The following CCDC120 variants were observed in gnomAD, a reference collection of about 807,000 sequenced individuals.
CCDC120 encodes coiled-coil domain containing 120.
CCDC120 carries 16 observed loss-of-function variants against 37.6 expected under a neutral mutation model. The observed-to-expected ratio is 0.43, with a 90% CI of 0.29 to 0.65. The LOEUF (loss-of-function observed/expected upper bound fraction) is 0.65. CCDC120 is among the 30% of genes least tolerant of loss of function. CCDC120 has a pLI of 0.18. For missense variants in CCDC120, 650 were observed against 657.4 expected, an observed-to-expected ratio of 0.99 and a Z score of 0.12; for synonymous variants, 309 against 275.4, an observed-to-expected ratio of 1.12 and a Z score of -1.21.
chrX:49,067,841 G>A lies in CCDC120; in HGVS notation c.1727G>A (p.Arg576His), dbSNP rs782579710. The change falls in exon 10 of 11, where the codon CGT (arginine) becomes CAT (histidine). Residue 576 changes from arginine (R) to histidine (H), a missense_variant. Arg to His is a conservative substitution (Grantham distance 29, BLOSUM62 0). This residue lies in a region of CCDC120 where 576 missense variants were observed against 565.3 expected (regional missense o/e 1.02). Coordinates refer to ENST00000603986, the MANE Select transcript of CCDC120 (RefSeq NM_001163321.4). ...NPLLWMPPPT[R>H]IPSAGERSGH... ...CTGCTGTGGATGCCCCCACCCACCCGTATCCCCTCGGCTGGTGAACGCAGT... is the reference window on the plus strand; with the variant it reads ...CTGCTGTGGATGCCCCCACCCACCCATATCCCCTCGGCTGGTGAACGCAGT... 21 of 653,436 alleles carry A rather than the reference G, an allele frequency of 3.2e-5. No homozygotes were observed. The highest frequency in any genetic ancestry group is 6.0e-5 in the East Asian group (1 of 16,698). 53.9% of individuals were successfully genotyped at this position (653,436 alleles called of 1,213,427 possible).
At chrX:49,054,951 G>A (rs1557078170), upstream of CCDC120, among the ~76,000 whole-genome samples, 2 of 111,450 alleles carry the variant, frequency 1.8e-5, no homozygotes, top group Admixed American at 9.5e-5. Flanking sequence ...CTTCTGAGCC[G>A]AGGACAGGGG....
In CCDC120 at chrX:49,068,062, A is replaced by G. The variant is rs1557082155; in HGVS notation, c.1948A>G (p.Ser650Gly). The part of the protein sequence containing the change: ...PSQAPLPHSR[S>G]FTAPPVSGRY... ...CCAGGCGCCACTCCCACACTCGAGG[A>G]GTTTCACGGCGCCCCCTGTCTCTGG... Residue 650 changes from serine to glycine, a missense_variant, in exon 10 of 11, where the codon AGT (serine) becomes GGT (glycine). This residue lies in a region of CCDC120 where 576 missense variants were observed against 565.3 expected (regional missense o/e 1.02). Transcript: ENST00000603986. 8.6e-7 allele frequency: 1 copy of G among 1,166,587 alleles called. No individual in the cohort carries two copies. The highest frequency in any genetic ancestry group is 1.1e-6 in the Non-Finnish European group (1 of 872,734).
chrX:49,064,112 A>G (rs2064921341), intron 5 of CCDC120, 111 bp downstream of exon 5: 3 of 995,139 alleles, frequency 3.0e-6, no homozygotes, highest in Non-Finnish European at 4.0e-6. Context: ...GGGAGAGGCT[A>G]AGATGAGAAG....
rs1327246900 is a variant in CCDC120, at chrX:49,067,459, C to G, written c.1345C>G (p.Pro449Ala). The G allele has an allele frequency of 4.2e-6, 5 of 1,181,957 alleles. No homozygotes were observed. Among genetic ancestry groups the G allele is most frequent in the Non-Finnish European group, 2.3e-6 (2 of 880,087 alleles). The change falls in exon 10 of 11, where the codon CCC becomes GCC. Residue 449 changes from proline to alanine, a missense_variant. Coordinates refer to ENST00000603986, the MANE Select transcript of CCDC120 (RefSeq NM_001163321.4). ...TGCCTTCTCCTCCCGCACAGCAGGC[C>G]CCCCAGACCCTCCCCGGGCCGCCCG... ...TPAFSSRTAG[P>A]PDPPRAARPS...
rs373303313 is a variant in CCDC120, at chrX:49,062,520, G to T, written c.207G>T (p.Gly69=). Residue 69 remains glycine, a synonymous_variant, in exon 4 of 11, where the codon GGG becomes GGT. Transcript: ENST00000603986. Reference sequence around the variant, plus strand: ...AGGTGAAGTCAGAGCGTCTGCGGGGGCTGCTTGACCGGCAGCGGACCCTGC... The same window carrying T: ...AGGTGAAGTCAGAGCGTCTGCGGGGTCTGCTTGACCGGCAGCGGACCCTGC... ...APQVKSERLR[G]LLDRQRTLQE... is the part of the protein sequence containing the mutation. 7.4e-5 allele frequency: 90 copies of T among 1,210,460 alleles called. No homozygotes were observed. Among genetic ancestry groups the T allele is most frequent in the Non-Finnish European group, 9.7e-5 (87 of 895,323 alleles).
upstream of CCDC120, among the ~76,000 whole-genome samples, chrX:49,058,187 C>G (rs1363319565): frequency 8.9e-6 from 1 of 111,872 alleles, no homozygotes; most frequent in Non-Finnish European, 1.9e-5. Context: ...GAGGCTGGGT[C>G]TGTGCCATCC....
Position 49,062,115 on chromosome X carries a change from C to T in CCDC120, c.63+11C>T, listed in dbSNP as rs1053509944. 1 of 1,159,262 alleles carries T rather than the reference C, an allele frequency of 8.6e-7. No homozygotes were observed. On this transcript the variant is annotated intron_variant, in intron 2 of 10. Coordinates refer to ENST00000603986, the MANE Select transcript of CCDC120 (RefSeq NM_001163321.4). ...ACGGATTCTGAAAGGGCAGGTCAAGCAGGCACGTGGGGCCCAGGTTACCCC... is the reference window on the plus strand; with the variant it reads ...ACGGATTCTGAAAGGGCAGGTCAAGTAGGCACGTGGGGCCCAGGTTACCCC...
At chrX:49,064,109 G>C in intron 5 of CCDC120, 108 bp downstream of exon 5, 22 of 974,352 alleles carry the variant, frequency 2.3e-5, no homozygotes, top group Non-Finnish European at 2.7e-5. Context: ...TGAGGGAGAG[G>C]CTAAGATGAG....
intron 5 of CCDC120, 82 bp from the exon 6 acceptor site, chrX:49,064,288 A>G (rs2064924112): frequency 9.9e-7 from 1 of 1,011,228 alleles, no homozygotes; most frequent in South Asian, 2.4e-5. Flanking sequence ...AGGCTGCAGG[A>G]AGTGCAGGCC....
chrX:49,062,202 G>A (rs1326637604), intron 2 of CCDC120, 33 bp from the exon 3 acceptor site: 4 of 1,191,614 alleles, frequency 3.4e-6, no homozygotes, highest in Non-Finnish European at 3.4e-6. Context: ...CATGGGATGT[G>A]CTTCCTTAAC....
In CCDC120 at chrX:49,067,909, A is replaced by G. The variant is rs1436837251; in HGVS notation, c.1795A>G (p.Ile599Val). The G allele has an allele frequency of 1.2e-5, 14 of 1,159,162 alleles. 1 individual carries two copies. Among genetic ancestry groups the G allele is most frequent in the Non-Finnish European group, 1.3e-5 (11 of 867,111 alleles). ...LALEGLRDWY[I>V]RNSGLAAGPQ... ...TCTGGAGGGGCTGCGGGACTGGTAC[A>G]TCCGGAACTCGGGACTGGCTGCGGG... Residue 599 changes from isoleucine to valine, a missense_variant, in exon 10 of 11, where the codon ATC (isoleucine) becomes GTC (valine). By Grantham distance (29) the Ile-to-Val change is conservative (BLOSUM62 3). Transcript: ENST00000603986.
At chrX:49,068,266 G>C (rs782641386) in intron 10 of CCDC120, 176 bp downstream of exon 10, 10 of 1,083,454 alleles carry the variant, frequency 9.2e-6, no homozygotes, top group Non-Finnish European at 1.1e-5. Flanking sequence ...ATGGGGTCCT[G>C]GTGGAGGGGA....
In CCDC120 at chrX:49,067,354, G is replaced by A; in HGVS notation, c.1240G>A (p.Ala414Thr). ...TGGTGGGGGAGCTGGCTCCCCGCCT[G>A]CCCCTCTGGCTCCCTCTGCCTCTGG... ...AAGGGAGSPP[A>T]PLAPSASGPP... The change falls in exon 10 of 11, where the codon GCC (alanine) becomes ACC (threonine). Residue 414 changes from alanine (A) to threonine (T), a missense_variant. Physicochemically the swap from Ala to Thr is moderately conservative, Grantham distance 58. Coordinates refer to ENST00000603986, the MANE Select transcript of CCDC120 (RefSeq NM_001163321.4). 3.3e-6 allele frequency: 4 copies of A among 1,202,934 alleles called. No individual in the cohort carries two copies. The highest frequency in any genetic ancestry group is 4.5e-6 in the Non-Finnish European group (4 of 891,568).
chrX:49,064,627 A>C lies in CCDC120; in HGVS notation c.687A>C (p.Gly229=), dbSNP rs1557080568. 4 of 1,194,444 alleles carry C rather than the reference A, an allele frequency of 3.3e-6. No homozygotes were observed. The highest frequency in any genetic ancestry group is 4.5e-6 in the Non-Finnish European group (4 of 885,751). ...LSTGSVITTQ[G]VCLGMRLAQL... Reference sequence around the variant, plus strand: ...CGGGGTCAGTGATCACCACCCAGGGAGTCTGCCTGGGCATGCGTCTTGCTC... The same window carrying C: ...CGGGGTCAGTGATCACCACCCAGGGCGTCTGCCTGGGCATGCGTCTTGCTC... Residue 229 remains glycine, a synonymous_variant, in exon 6 of 11, where the codon GGA becomes GGC. Coordinates refer to ENST00000603986, the MANE Select transcript of CCDC120 (RefSeq NM_001163321.4).
At chrX:49,064,889 T>C in intron 6 of CCDC120, 147 bp from the exon 7 acceptor site, 1 of 701,623 alleles carries the variant, frequency 1.4e-6, no homozygotes, top group South Asian at 2.7e-5. Flanking sequence ...TCTTGGGCTC[T>C]GGTAAAAGCA....
chrX:49,065,326 A>G (rs2064940218), intron 7 of CCDC120, 128 bp from the exon 8 acceptor site: 1 of 787,885 alleles, frequency 1.3e-6, no homozygotes, highest in Non-Finnish European at 1.8e-6. Context: ...TGTCAGCCTT[A>G]GTTCCTCCTC....
In CCDC120 at chrX:49,067,765, T is replaced by C. The variant is rs782800206; in HGVS notation, c.1651T>C (p.Cys551Arg). 2 of 1,197,555 alleles carry C rather than the reference T, an allele frequency of 1.7e-6. No homozygotes were observed. Among genetic ancestry groups the C allele is most frequent in the African/African-American group, 1.7e-5 (1 of 57,681 alleles). Reference protein sequence around the residue: ...PHTRATRTKPCGLPPEAAEGP... With the variant: ...PHTRATRTKPRGLPPEAAEGP... The stretch of plus-strand genomic sequence containing the variant: ...CACCCGTGCCACCCGCACTAAGCCC[T>C]GTGGCCTGCCCCCAGAGGCTGCCGA... The change falls in exon 10 of 11, where the codon TGT becomes CGT. Residue 551 changes from cysteine to arginine, a missense_variant. Cys to Arg is a radical substitution (Grantham distance 180). Coordinates refer to ENST00000603986, the MANE Select transcript of CCDC120 (RefSeq NM_001163321.4).
In CCDC120 at chrX:49,064,509, G is replaced by A; in HGVS notation, c.569G>A (p.Arg190Lys). 1 of 1,184,901 alleles carries A rather than the reference G, an allele frequency of 8.4e-7. No individual in the cohort carries two copies. Among genetic ancestry groups the A allele is most frequent in the South Asian group, 1.9e-5 (1 of 53,864 alleles). The change falls in exon 6 of 11, where the codon AGG (arginine) becomes AAG (lysine). Residue 190 changes from arginine (R) to lysine (K), a missense_variant. Coordinates refer to ENST00000603986, the MANE Select transcript of CCDC120 (RefSeq NM_001163321.4). ...CGCCAGGTCCAGGCAGATGCACTGA[G>A]GAGGCTGCATGAGCTAGAGGAGCAG... ...RRRQVQADAL[R>K]RLHELEEQLR...
At chrX:49,064,307 C>T in intron 5 of CCDC120, 63 bp from the exon 6 acceptor site, 2 of 1,080,842 alleles carry the variant, frequency 1.9e-6, no homozygotes, top group Non-Finnish European at 2.4e-6. Context: ...CCAGCCTCTA[C>T]TGGGTTTGGC....
Sources: allele counts gnomAD v4.1 joint callset (sites outside exome capture counted in the v4.1 genomes callset), GRCh38; gene constraint gnomAD v4.1.1; regional missense constraint gnomAD v4.1.1; transcripts MANE v1.5; gene names NCBI Gene and HGNC (gene_info 2026-07-23, HGNC 2026-07-21).